DENND1B: variants seen among roughly 807,000 people sequenced by gnomAD.
DENND1B encodes DENN domain-containing protein 1B.
In DENND1B, 59 loss-of-function variants were observed where a neutral mutation model predicts 90.1. The ratio of observed to expected loss-of-function variants is 0.65; its 90% CI spans 0.53 to 0.81. The LOEUF is 0.81. Among genes scored for constraint, DENND1B ranks in the 40% least tolerant of loss-of-function variants. DENND1B has a pLI of 0.00. For missense variants in DENND1B, 862 were observed against 912.6 expected (o/e 0.94, Z 0.71); for synonymous variants, 337 against 324.6 (o/e 1.04, Z -0.41).
At chr1:197,578,149 T>G (rs1313860356) in intron 15 of DENND1B, among the ~76,000 whole-genome samples, 4 of 152,162 alleles carry the variant, frequency 2.6e-5, no homozygotes, top group Non-Finnish European at 5.9e-5. Flanking sequence ...AATAGGTTTT[T>G]GAGATCTACT....
chr1:197,759,117 C>G (rs1033718191), intron 2 of DENND1B, among the ~76,000 whole-genome samples: 6 of 151,406 alleles, frequency 4.0e-5, no homozygotes, highest in African/African-American at 1.5e-4. Context: ...ACTACAGGTG[C>G]ACACCACTAC....
At chr1:197,686,233 T>G (rs1199104119) in intron 3 of DENND1B, among the ~76,000 whole-genome samples, 5 of 152,304 alleles carry the variant, frequency 3.3e-5, no homozygotes, top group Middle Eastern at 6.8e-3. Flanking sequence ...ATAAATTATA[T>G]CATGCCTTCT....
intron 3 of DENND1B, among the ~76,000 whole-genome samples, chr1:197,693,019 T>C (rs1658067292): frequency 6.6e-6 from 1 of 151,710 alleles, no homozygotes. Context: ...ACCATATGCC[T>C]TATTTTTACA....
chr1:197,568,805 A>G (rs1672907628), intron 15 of DENND1B, among the ~76,000 whole-genome samples: 1 of 152,166 alleles, frequency 6.6e-6, no homozygotes, highest in South Asian at 2.1e-4. Context: ...TTATATATAA[A>G]AATCAATTCA....
chr1:197,751,454 T>C (rs1279570743), intron 2 of DENND1B, among the ~76,000 whole-genome samples: 2 of 152,126 alleles, frequency 1.3e-5, no homozygotes, highest in East Asian at 3.8e-4. Flanking sequence ...ATTTACACAT[T>C]TATGATTACA....
rs555563183 is a variant in DENND1B at position 197,715,553 on chromosome 1, A to T, written c.83-479T>A. ...AAAATTCCAATTAAGATTTACAAAAACTGTAATAATATTTGCCTTATATCA... is the reference window on the plus strand; with the variant it reads ...AAAATTCCAATTAAGATTTACAAAATCTGTAATAATATTTGCCTTATATCA... On this transcript the variant is annotated intron_variant, in intron 2 of 22. Transcript: ENST00000620048. Among the ~76,000 whole-genome samples the T allele has an allele frequency of 4.6e-5, 7 of 151,836 alleles. No individual in the cohort carries two copies. The South Asian group carries it at 1.2e-3, about 27-fold the overall frequency.
In DENND1B at chr1:197,754,159, T is replaced by C. The variant is rs148353086; in HGVS notation, c.82+18709A>G. 6.8e-4 allele frequency among the ~76,000 whole-genome samples: 104 copies of C among 152,120 alleles called. No individual in the cohort carries two copies. The East Asian group carries it at 0.02, about 29-fold the overall frequency. ...GATATATGGAATTAAATAAAATACA[T>C]TGTTAATATTTTTAAAAAGAGGATT... On this transcript the variant is annotated intron_variant, in intron 2 of 22. Transcript: ENST00000620048.
At chr1:197,709,766 TAA>T (rs1659923446) in intron 3 of DENND1B, among the ~76,000 whole-genome samples, 1 of 128,082 alleles carries the variant, frequency 7.8e-6, no homozygotes, top group South Asian at 2.7e-4. Flanking sequence ...ATTCTGCAAT[TAA>T]AAGACACAGA....
chr1:197,549,861 T>G (rs1310413433), intron 16 of DENND1B, among the ~76,000 whole-genome samples: 1 of 152,120 alleles, frequency 6.6e-6, no homozygotes, highest in Non-Finnish European at 1.5e-5. Flanking sequence ...TTTGAAAAAA[T>G]GCATGTATTC....
chr1:197,613,343 T>C (rs1677351272), intron 11 of DENND1B, among the ~76,000 whole-genome samples: 1 of 150,980 alleles, frequency 6.6e-6, no homozygotes, highest in African/African-American at 2.4e-5. Flanking sequence ...CGTTAGCCTG[T>C]ACATTCTAGT....
chr1:197,538,147 T>A (rs1302877184), intron 20 of DENND1B, among the ~76,000 whole-genome samples: 1 of 152,120 alleles, frequency 6.6e-6, no homozygotes, highest in Non-Finnish European at 1.5e-5. Flanking sequence ...TCTTAAAGTA[T>A]CCTATAGGTA....
At chr1:197,773,359 A>C (rs1161765564) in intron 1 of DENND1B, among the ~76,000 whole-genome samples, 1 of 152,238 alleles carries the variant, frequency 6.6e-6, no homozygotes, top group Non-Finnish European at 1.5e-5. Flanking sequence ...ACAGAGTTTG[A>C]CACAGGTTCT....
At chr1:197,600,252 T>C (rs193294764) in intron 13 of DENND1B, among the ~76,000 whole-genome samples, 15 of 151,996 alleles carry the variant, frequency 9.9e-5, no homozygotes, top group Admixed American at 8.5e-4. Flanking sequence ...TGGCTTTAAG[T>C]CCACCAACAT....
intron 10 of DENND1B, among the ~76,000 whole-genome samples, chr1:197,620,843 T>C (rs1678093571): frequency 6.6e-6 from 1 of 151,250 alleles, no homozygotes; most frequent in Non-Finnish European, 1.5e-5. Flanking sequence ...AATAAACAAG[T>C]AAAATAAATA....
chr1:197,552,209 TA>T, intron 16 of DENND1B: 1 of 981,644 alleles, frequency 1.0e-6, no homozygotes, highest in Non-Finnish European at 1.2e-6. Context: ...CAAAGAAGTT[TA>T]AAAAATTGCT....
intron 2 of DENND1B, among the ~76,000 whole-genome samples, chr1:197,715,424 T>C (rs2102241282): frequency 6.6e-6 from 1 of 152,070 alleles, no homozygotes; most frequent in Non-Finnish European, 1.5e-5. Flanking sequence ...ACTTTTAAAA[T>C]ACTGGTATTC....
chr1:197,642,795 G>C lies in DENND1B; in HGVS notation c.588C>G (p.Ala196=), dbSNP rs7523384. Residue 196 remains alanine, a synonymous_variant, in exon 10 of 23, where the codon GCC becomes GCG. Coordinates refer to ENST00000620048, the MANE Select transcript of DENND1B (RefSeq NM_001195215.2). ...ESRNLTEYFV[A]VDVNNMLQLY... ...GCTGCAGCATGTTGTTCACATCCAC[G>C]GCAACAAAATATTCTGTAAGATTTC... The C allele has an allele frequency of 6.2e-7, 1 of 1,612,826 alleles. No homozygotes were observed. Among genetic ancestry groups the C allele is most frequent in the Non-Finnish European group, 8.5e-7 (1 of 1,179,402 alleles).
At chr1:197,525,684 AT>A (rs1321701602) in intron 20 of DENND1B, among the ~76,000 whole-genome samples, 1 of 152,102 alleles carries the variant, frequency 6.6e-6, no homozygotes, top group East Asian at 1.9e-4. Context: ...TGTTAGTAAA[AT>A]AATTATAGCT....
intron 10 of DENND1B, among the ~76,000 whole-genome samples, chr1:197,627,567 A>G (rs1423776677): frequency 2.0e-5 from 3 of 152,050 alleles, no homozygotes; most frequent in East Asian, 3.9e-4. Flanking sequence ...CCCACAGCCA[A>G]TATCATACTG....
Sources: gnomAD v4.1 joint callset for allele counts (sites outside exome capture counted in the v4.1 genomes callset) on GRCh38, gnomAD v4.1.1 for gene constraint, MANE v1.5 for transcripts, NCBI Gene and HGNC (gene_info 2026-07-23, HGNC 2026-07-21) for gene names.